The following DYNC1H1 variants were observed in gnomAD, a reference collection of about 807,000 sequenced individuals.
The protein encoded by DYNC1H1 is cytoplasmic dynein 1 heavy chain 1.
A neutral mutation model predicts 527.1 loss-of-function variants in DYNC1H1; 51 were observed. The ratio of observed to expected loss-of-function variants is 0.10; its 90% CI spans 0.08 to 0.12. The LOEUF (loss-of-function observed/expected upper bound fraction) is 0.12. Ranked by LOEUF, DYNC1H1 falls within the 10% of genes least tolerant of loss-of-function variation. The pLI is 1.00. For missense variants in DYNC1H1, 2,771 were observed against 5,971.8 expected (o/e 0.46, Z 17.66); for synonymous variants, 2,189 against 2,278.8 (o/e 0.96, Z 1.12).
chr14:102,023,863 A>G (rs1459187639), intron 43 of DYNC1H1: 1 of 152,212 alleles, frequency 6.6e-6, no homozygotes, highest in East Asian at 1.9e-4. Context: ...AAAAACTTAA[A>G]AAGAGTCCAG....
chr14:101,995,328 T>G, intron 15 of DYNC1H1, 28 bp downstream of exon 15: 1 of 1,613,414 alleles, frequency 6.2e-7, no homozygotes, highest in Non-Finnish European at 8.5e-7. Context: ...TTAAAAATTT[T>G]TGGCTGGGCG....
rs879253915 is a variant in DYNC1H1, at chr14:102,018,528, A to G, written c.8255A>G (p.Asn2752Ser). ...ASLTQIYGTF[N>S]RAMLRLIPSL... is the part of the protein sequence containing the mutation. ...CTCACACAGATCTACGGCACCTTCA[A>G]CCGCGCCATGCTGAGGCTCATTCCA... The change falls in exon 41 of 78, where the codon AAC (asparagine) becomes AGC (serine). Residue 2752 changes from asparagine (N) to serine (S), a missense_variant. Transcript: ENST00000360184. The surrounding 1 kb of genome is among the most constrained non-coding windows in gnomAD (Gnocchi z 5.2). 2.5e-6 allele frequency: 4 copies of G among 1,614,082 alleles called. No homozygotes were observed. The highest frequency in any genetic ancestry group is 2.5e-6 in the Non-Finnish European group (3 of 1,180,028).
rs1303615910 is a variant in DYNC1H1, at chr14:102,017,889, G to A, written c.8177+385G>A. The A allele has an allele frequency of 1.2e-5, 4 of 331,878 alleles. No homozygotes were observed. Among genetic ancestry groups the A allele is most frequent in the African/African-American group, 6.4e-5 (3 of 46,526 alleles). The allele number at this position is 331,878 out of a possible 1,614,324, so 20.6% of individuals were successfully genotyped here. A position where few individuals can be genotyped will look rare whatever the true frequency, so the allele number is the denominator to read the frequency against. The stretch of plus-strand genomic sequence containing the variant: ...TGGGAGGCCGAAGCGGGCAGATCAC[G>A]AGGTCAGGAGGTTGAGGCCATCCTG... On this transcript the variant is annotated intron_variant, in intron 40 of 77. Coordinates refer to ENST00000360184, the MANE Select transcript of DYNC1H1 (RefSeq NM_001376.5). This position sits in a 1 kb window ranked among gnomAD's most constrained non-coding sequence, Gnocchi z 4.6.
Position 102,050,130 on chromosome 14 carries a change from T to G in DYNC1H1, c.13744T>G (p.Ser4582Ala). Residue 4582 changes from serine (S) to alanine (A), a missense_variant, in exon 77 of 78, where the codon TCA (serine) becomes GCA (alanine). Physicochemically the swap from Ser to Ala is moderately conservative, Grantham distance 99. Transcript: ENST00000360184. ...CAAGCTGTCACTGTCCAATGCCATCTCAACCGCCCTTCCCCTGACGCAGCT... is the reference window on the plus strand; with the variant it reads ...CAAGCTGTCACTGTCCAATGCCATCGCAACCGCCCTTCCCCTGACGCAGCT... ...NNKLSLSNAI[S>A]TALPLTQLRW... is the part of the protein sequence containing the mutation. The G allele has an allele frequency of 6.2e-7, 1 of 1,600,604 alleles. No homozygotes were observed. Among genetic ancestry groups the G allele is most frequent in the South Asian group, 1.1e-5 (1 of 90,878 alleles).
At chr14:101,975,828 C>T (rs1232028958) in intron 2 of DYNC1H1, 29 bp downstream of exon 2, 1 of 1,512,198 alleles carries the variant, frequency 6.6e-7, no homozygotes, top group South Asian at 1.1e-5. Context: ...ACCATTATCT[C>T]AGGTTATAAA....
Position 102,044,012 on chromosome 14 carries a change from T to A in DYNC1H1, c.12651T>A (p.Asp4217Glu). ...FGESDLRSAC[D>E]TVDTWLDDTA... ...AGTCTGACCTGCGGTCAGCTTGCGA[T>A]ACGGTGGACACGTGGCTGGATGACA... The change falls in exon 70 of 78, where the codon GAT becomes GAA. Residue 4217 changes from aspartate (D) to glutamate (E), a missense_variant. By Grantham distance (45) the Asp-to-Glu change is conservative. This residue lies in a region of DYNC1H1 where 195 missense variants were observed against 428.6 expected (regional missense o/e 0.45). Coordinates refer to ENST00000360184, the MANE Select transcript of DYNC1H1 (RefSeq NM_001376.5). This position sits in a 1 kb window ranked among gnomAD's most constrained non-coding sequence, Gnocchi z 7.1. The A allele has an allele frequency of 6.2e-7, 1 of 1,614,144 alleles. No individual in the cohort carries two copies. The highest frequency in any genetic ancestry group is 1.1e-5 in the South Asian group (1 of 91,088).
In DYNC1H1 at chr14:102,015,296, G is replaced by C; in HGVS notation, c.7206G>C (p.Glu2402Asp). The change falls in exon 35 of 78, where the codon GAG becomes GAC. Residue 2402 changes from glutamate to aspartate, a missense_variant. Coordinates refer to ENST00000360184, the MANE Select transcript of DYNC1H1 (RefSeq NM_001376.5). This position sits in a 1 kb window ranked among gnomAD's most constrained non-coding sequence, Gnocchi z 6.9. ...CACAGCGGCGGCGTAAGGGCAAAGAGGATGAGGGGGAGGAGGCCGCTTCCC... is the reference window on the plus strand; with the variant it reads ...CACAGCGGCGGCGTAAGGGCAAAGACGATGAGGGGGAGGAGGCCGCTTCCC... The part of the protein sequence containing the change: ...DEAQRRRKGK[E>D]DEGEEAASPM... 1 of 1,614,042 alleles carries C rather than the reference G, an allele frequency of 6.2e-7. No homozygotes were observed. The highest frequency in any genetic ancestry group is 8.5e-7 in the Non-Finnish European group (1 of 1,179,924).
At chr14:102,046,833 C>G (rs189193734) in intron 72 of DYNC1H1, among the ~76,000 whole-genome samples, 46 of 150,560 alleles carry the variant, frequency 3.1e-4, no homozygotes, top group Admixed American at 2.8e-3. Context: ...GAGTCTTGCT[C>G]TGTCACTCAG....
Position 102,015,460 on chromosome 14 carries a change from A to C in DYNC1H1, c.7242+128A>C. 4.5e-6 allele frequency: 5 copies of C among 1,119,840 alleles called. No homozygotes were observed. The highest frequency in any genetic ancestry group is 5.0e-6 in the Non-Finnish European group (4 of 792,704). The allele number at this position is 1,119,840 out of a possible 1,614,324, so 69.4% of individuals were successfully genotyped here. A position where few individuals can be genotyped will look rare whatever the true frequency, so the allele number is the denominator to read the frequency against. On this transcript the variant is annotated intron_variant, in intron 35 of 77. Transcript: ENST00000360184. This position sits in a 1 kb window ranked among gnomAD's most constrained non-coding sequence, Gnocchi z 6.9. Reference sequence around the variant, plus strand: ...AGCAATCCACCTGCCTTGGCCTCTCAAAGTGCTGGGATTACAGGCATGAGT... The same window carrying C: ...AGCAATCCACCTGCCTTGGCCTCTCCAAGTGCTGGGATTACAGGCATGAGT...
chr14:102,047,641 G>GTGTATATATATATA, intron 72 of DYNC1H1, 176 bp from the exon 73 acceptor site: 33 of 316,742 alleles, frequency 1.0e-4, no homozygotes, highest in African/African-American at 5.9e-4. Context: ...GTGTGTGTGT[G>GTGTATATATATATA]TATATATATA....
chr14:102,050,194 G>T lies in DYNC1H1; in HGVS notation c.13808G>T (p.Ser4603Ile), dbSNP rs200731839. ...VKQTNTEKKA[S>I]VVTLPVYLNF... The stretch of plus-strand genomic sequence containing the variant: ...CAGACAAACACCGAGAAGAAGGCCA[G>T]TGTGGTAAGGAGGCACTGCCTTTCC... Residue 4603 changes from serine (S) to isoleucine (I), a missense_variant, in exon 77 of 78, where the codon AGT (serine) becomes ATT (isoleucine). Ser to Ile is a moderately radical substitution (Grantham distance 142). This residue lies in a region of DYNC1H1 where 106 missense variants were observed against 139.2 expected (regional missense o/e 0.76). Coordinates refer to ENST00000360184, the MANE Select transcript of DYNC1H1 (RefSeq NM_001376.5). 468 of 1,613,970 alleles carry T rather than the reference G, an allele frequency of 2.9e-4. 2 individuals carry two copies. The highest frequency in any genetic ancestry group is 3.8e-4 in the Non-Finnish European group (443 of 1,180,044).
chr14:101,977,668 A>T (rs2047817244), intron 2 of DYNC1H1, among the ~76,000 whole-genome samples: 1 of 152,178 alleles, frequency 6.6e-6, no homozygotes, highest in Admixed American at 6.5e-5. Context: ...TGTCACTCTA[A>T]ATTCCTTTAA....
chr14:102,040,969 C>T (rs2048642219), intron 64 of DYNC1H1: 1 of 489,624 alleles, frequency 2.0e-6, no homozygotes, highest in Non-Finnish European at 3.7e-6. Context: ...AATGAATGGT[C>T]ACTGATTCCC....
chr14:102,009,794 T>G (rs771403067), intron 29 of DYNC1H1, 49 bp from the exon 30 acceptor site: 25 of 895,554 alleles, frequency 2.8e-5, no homozygotes, highest in East Asian at 3.6e-5. Flanking sequence ...ATGCATTTTG[T>G]TTTTTTTTTT....
At position 102,008,336 on chromosome 14, in the gene DYNC1H1, G is replaced by C; in HGVS notation, c.5976G>C (p.Lys1992Asn). 6.2e-7 allele frequency: 1 copy of C among 1,614,104 alleles called. No homozygotes were observed. The highest frequency in any genetic ancestry group is 8.5e-7 in the Non-Finnish European group (1 of 1,180,010). The change falls in exon 29 of 78, where the codon AAG (lysine) becomes AAC (asparagine). Residue 1992 changes from lysine (K) to asparagine (N), a missense_variant and splice_region_variant. Physicochemically the swap from Lys to Asn is moderately conservative, Grantham distance 94 (BLOSUM62 0). This residue lies in a region of DYNC1H1 where 39 missense variants were observed against 38.8 expected (regional missense o/e 1.00). Transcript: ENST00000360184. ...AACATTCCAACCCCAACTACGACAA[G>C]AGTAAGACACCTCTTCTTCAAAAAT... is the stretch of plus-strand genomic sequence containing the variant. ...LREHSNPNYDKTSAPITCELL... is the reference protein window; with the variant it reads ...LREHSNPNYDNTSAPITCELL...
intron 57 of DYNC1H1, chr14:102,037,423 CA>C (rs71305087): frequency 0.049 from 3,340 of 68,162 alleles, 27 homozygotes; most frequent in Middle Eastern, 0.11. Context: ...GACTCCATCT[CA>C]AAAAAAAAAA....
chr14:102,048,094 A>G (rs906310181), intron 73 of DYNC1H1, 66 bp downstream of exon 73: 4 of 1,533,658 alleles, frequency 2.6e-6, no homozygotes, highest in Admixed American at 1.9e-5. Context: ...GTCATGGACC[A>G]TTGTTCCATG....
chr14:102,027,594 A>G lies in DYNC1H1; in HGVS notation c.9049-25A>G, dbSNP rs1172516065. ...CATTACGTGTTACCGGGGGACCAGTAAGTCAGCACTGTGCTGTTTCCCAGG... is the reference window on the plus strand; with the variant it reads ...CATTACGTGTTACCGGGGGACCAGTGAGTCAGCACTGTGCTGTTTCCCAGG... On this transcript the variant is annotated intron_variant, in intron 46 of 77. Transcript: ENST00000360184. This position sits in a 1 kb window ranked among gnomAD's most constrained non-coding sequence, Gnocchi z 7.7. 2 of 1,614,050 alleles carry G rather than the reference A, an allele frequency of 1.2e-6. No homozygotes were observed. The highest frequency in any genetic ancestry group is 1.7e-5 in the Admixed American group (1 of 59,986).
intron 1 of DYNC1H1, among the ~76,000 whole-genome samples, chr14:101,971,734 T>A (rs984751964): frequency 1.3e-5 from 2 of 152,076 alleles, no homozygotes; most frequent in Non-Finnish European, 2.9e-5. Context: ...TCAAAAAAAA[T>A]AAAACAGATG....
Sources: allele counts gnomAD v4.1 joint callset (sites outside exome capture counted in the v4.1 genomes callset), GRCh38; gene constraint gnomAD v4.1.1; regional missense constraint gnomAD v4.1.1; non-coding constraint Gnocchi (gnomAD v3.1); transcripts MANE v1.5; gene names NCBI Gene and HGNC (gene_info 2026-07-23, HGNC 2026-07-21).